CACNA1E: variants seen among roughly 807,000 people sequenced by gnomAD.
The protein encoded by CACNA1E is calcium voltage-gated channel subunit alpha1 E.
A neutral mutation model predicts 259.2 loss-of-function variants in CACNA1E; 40 were observed. The ratio of observed to expected loss-of-function variants is 0.15; its 90% confidence interval spans 0.12 to 0.20. The LOEUF is 0.20. Among genes scored for constraint, CACNA1E ranks in the 10% least tolerant of loss-of-function variants. The pLI, the probability that CACNA1E is intolerant of heterozygous loss-of-function variation, is 1.00. For missense variants in CACNA1E, 1,874 were observed against 3,040.1 expected (o/e 0.62, Z 9.02); for synonymous variants, 1,104 against 1,138.5 (o/e 0.97, Z 0.61).
intron 1 of CACNA1E, among the ~76,000 whole-genome samples, chr1:181,499,275 G>C (rs1466925075): frequency 6.6e-6 from 1 of 152,178 alleles, no homozygotes; most frequent in African/African-American, 2.4e-5. Context: ...GTAGCTCTTT[G>C]AGAACAATTG....
chr1:181,795,767 A>AATATAAATATATATATATATATATATAT (rs1661743093), intron 46 of CACNA1E, among the ~76,000 whole-genome samples: 1 of 113,274 alleles, frequency 8.8e-6, no homozygotes, highest in African/African-American at 3.0e-5. Flanking sequence ...TTTTGCTTTA[A>AATATAAATATATATATATATATATATAT]ATATATATAT....
rs148447209 is a variant in CACNA1E, at chr1:181,534,140, T to C, written c.512+22630T>C. On this transcript the variant is annotated intron_variant, in intron 3 of 47. Coordinates refer to ENST00000367573, the MANE Select transcript of CACNA1E (RefSeq NM_001205293.3). ...GTCTTATTTTGTTCCTTATTTAAAG[T>C]TTAACAATGAAGACAGATGTTCCTT... Among the ~76,000 whole-genome samples the C allele has an allele frequency of 3.6e-3, 544 of 152,214 alleles. 4 individuals are homozygous for C. Among genetic ancestry groups the C allele is most frequent in the African/African-American group, 0.012 (514 of 41,572 alleles).
chr1:181,654,392 A>G (rs995163630), intron 7 of CACNA1E, among the ~76,000 whole-genome samples: 2 of 152,140 alleles, frequency 1.3e-5, no homozygotes, highest in African/African-American at 4.8e-5. Flanking sequence ...TTTAACTATA[A>G]TAGGAGTTCT....
rs186438540 is a variant in CACNA1E, at chr1:181,723,359, G to T, written c.2075-1111G>T. ...TGATTCTCTTAGTTGTTATTGCTAT[G>T]GGTAGAGGCCACAGCTGTCTAAAGA... On this transcript the variant is annotated intron_variant, in intron 16 of 47. Coordinates refer to ENST00000367573, the MANE Select transcript of CACNA1E (RefSeq NM_001205293.3). 2.6e-5 allele frequency among the ~76,000 whole-genome samples: 4 copies of T among 152,286 alleles called. No individual in the cohort carries two copies. The East Asian group carries it at 7.7e-4, about 29-fold the overall frequency.
chr1:181,358,191 A>G (rs934454117), intron 1 of CACNA1E, among the ~76,000 whole-genome samples: 5 of 152,110 alleles, frequency 3.3e-5, no homozygotes, highest in African/African-American at 1.2e-4. Flanking sequence ...TCCTCACTAC[A>G]ATGGCCTAAG....
intron 5 of CACNA1E, among the ~76,000 whole-genome samples, 177 bp from the exon 6 acceptor site, chr1:181,580,418 A>G (rs576630453): frequency 1.3e-5 from 2 of 152,304 alleles, no homozygotes; most frequent in Non-Finnish European, 2.9e-5. Context: ...GATTGAACAC[A>G]TGATATGTGA....
At chr1:181,663,685 A>G (rs566007556) in intron 7 of CACNA1E, among the ~76,000 whole-genome samples, 1 of 152,308 alleles carries the variant, frequency 6.6e-6, no homozygotes, top group South Asian at 2.1e-4. Context: ...GATCCTCGAA[A>G]AACCTGCAGA....
intron 2 of CACNA1E, among the ~76,000 whole-genome samples, chr1:181,424,405 C>T (rs1659001758): frequency 6.6e-6 from 1 of 152,246 alleles, no homozygotes; most frequent in African/African-American, 2.4e-5. Context: ...TAGATCTGGT[C>T]TCTGGTGACT....
chr1:181,373,639 G>A (rs1451245154), intron 1 of CACNA1E, among the ~76,000 whole-genome samples: 1 of 149,304 alleles, frequency 6.7e-6, no homozygotes, highest in Non-Finnish European at 1.5e-5. Context: ...CCGGGTTCAC[G>A]CCATTCTCCT....
chr1:181,423,195 C>T (rs764443579), intron 2 of CACNA1E, among the ~76,000 whole-genome samples: 10 of 152,152 alleles, frequency 6.6e-5, no homozygotes, highest in Non-Finnish European at 1.2e-4. Context: ...AGAGGTTTGC[C>T]GAAGCCCAAG....
intron 6 of CACNA1E, among the ~76,000 whole-genome samples, chr1:181,616,335 GTTTT>G (rs1183387857): frequency 8.5e-6 from 1 of 118,020 alleles, no homozygotes. Context: ...TTGTTTGTTT[GTTTT>G]GTTTTGTTTT....
In CACNA1E at chr1:181,702,625, A is replaced by G. The variant is rs548871531; in HGVS notation, c.1056-8329A>G. Among the ~76,000 whole-genome samples the G allele has an allele frequency of 1.5e-4, 23 of 152,180 alleles. No individual in the cohort carries two copies. In the East Asian group the frequency reaches 4.5e-3, roughly 29 times the overall value. On this transcript the variant is annotated intron_variant, in intron 7 of 47. Coordinates refer to ENST00000367573, the MANE Select transcript of CACNA1E (RefSeq NM_001205293.3). The stretch of plus-strand genomic sequence containing the variant: ...TTTTTCCATGTATTCAGTCCACTCT[A>G]GTCACATTGGCTCTTTTCTGTTCTT...
intron 7 of CACNA1E, among the ~76,000 whole-genome samples, chr1:181,683,000 G>T (rs988605325): frequency 1.3e-5 from 2 of 152,182 alleles, no homozygotes. Context: ...CCTTTAACAT[G>T]CAGTGTCCTC....
intron 39 of CACNA1E, among the ~76,000 whole-genome samples, chr1:181,783,020 G>A (rs184851117): frequency 2.1e-4 from 32 of 152,156 alleles, no homozygotes; most frequent in African/African-American, 6.0e-4. Context: ...ACCCTTCCTC[G>A]TTCTGTCTCC....
intron 25 of CACNA1E, among the ~76,000 whole-genome samples, chr1:181,741,818 C>T (rs547055390): frequency 6.6e-6 from 1 of 152,312 alleles, no homozygotes; most frequent in East Asian, 1.9e-4. Context: ...GAGCTGAAGC[C>T]TCTCTGTTGG....
At chr1:181,333,639 C>T (rs1651456026) in intron 1 of CACNA1E, among the ~76,000 whole-genome samples, 1 of 152,062 alleles carries the variant, frequency 6.6e-6, no homozygotes, top group Non-Finnish European at 1.5e-5. Flanking sequence ...ATCCATCATT[C>T]CTTCTTCATT....
chr1:181,352,619 C>G (rs1379705556), intron 1 of CACNA1E, among the ~76,000 whole-genome samples: 1 of 152,164 alleles, frequency 6.6e-6, no homozygotes, highest in Non-Finnish European at 1.5e-5. Context: ...GCCTCCTCTG[C>G]CACTTGTTAG....
At chr1:181,721,716 C>T (rs1654432083) in intron 15 of CACNA1E, 42 bp from the exon 16 acceptor site, 2 of 1,351,614 alleles carry the variant, frequency 1.5e-6, no homozygotes, top group African/African-American at 2.9e-5. Context: ...ATTTTCTCCT[C>T]CAGCCCAGGT....
intron 1 of CACNA1E, among the ~76,000 whole-genome samples, chr1:181,400,829 G>A (rs955952551): frequency 6.6e-6 from 1 of 152,078 alleles, no homozygotes; most frequent in Non-Finnish European, 1.5e-5. Context: ...CTCTGTCCAG[G>A]GTTTGAGAGG....
Sources: allele counts gnomAD v4.1 joint callset (sites outside exome capture counted in the v4.1 genomes callset), GRCh38; gene constraint gnomAD v4.1.1; transcripts MANE v1.5; gene names NCBI Gene and HGNC (gene_info 2026-07-23, HGNC 2026-07-21).